Variants in LDLRAD3 observed in about 807,000 individuals in gnomAD.
The protein encoded by LDLRAD3 is low density lipoprotein receptor class A domain containing 3.
Under a neutral mutation model 29.4 loss-of-function variants are expected in LDLRAD3, and 20 were observed. That is an observed-to-expected ratio of 0.68 (90% CI 0.48 to 0.99). LDLRAD3 has a LOEUF of 0.99. Among genes scored for constraint, LDLRAD3 ranks in the 50% least tolerant of loss-of-function variants. The pLI, the probability that LDLRAD3 is intolerant of heterozygous loss-of-function variation, is 0.00. For synonymous variants in LDLRAD3, 157 were observed against 192.7 expected, an observed-to-expected ratio of 0.81 and a Z score of 1.53; for missense variants, 420 against 454.3, an observed-to-expected ratio of 0.92 and a Z score of 0.69.
chr11:36,139,900 G>T (rs1428553416), intron 4 of LDLRAD3, among the ~76,000 whole-genome samples: 3 of 152,240 alleles, frequency 2.0e-5, no homozygotes, highest in Non-Finnish European at 2.9e-5. Flanking sequence ...AAGTGAATGT[G>T]CTGTGGGTTT....
At chr11:36,228,901 C>T (rs557820046) in intron 5 of LDLRAD3, among the ~76,000 whole-genome samples, 8 of 152,322 alleles carry the variant, frequency 5.3e-5, no homozygotes, top group South Asian at 4.1e-4. Flanking sequence ...TGGTGGGCGA[C>T]CTCATTCTGG....
chr11:36,076,242 A>ATCCC (rs1852999566), intron 2 of LDLRAD3, among the ~76,000 whole-genome samples: 1 of 151,844 alleles, frequency 6.6e-6, no homozygotes, highest in East Asian at 1.9e-4. Flanking sequence ...CCATCCATCC[A>ATCCC]TCCATCCATC....
chr11:36,208,273 G>C (rs1382891638), intron 4 of LDLRAD3, among the ~76,000 whole-genome samples: 1 of 152,230 alleles, frequency 6.6e-6, no homozygotes, highest in Non-Finnish European at 1.5e-5. Flanking sequence ...TTGTGCTGGT[G>C]TGACAAAATA....
At chr11:36,228,729 C>A (rs1447146535) in intron 5 of LDLRAD3, among the ~76,000 whole-genome samples, 1 of 152,220 alleles carries the variant, frequency 6.6e-6, no homozygotes, top group Non-Finnish European at 1.5e-5. Context: ...TGTCCTCTCA[C>A]CCCAGTTCAT....
intron 1 of LDLRAD3, among the ~76,000 whole-genome samples, chr11:36,000,436 G>A (rs1015759952): frequency 6.6e-6 from 1 of 151,954 alleles, no homozygotes; most frequent in Non-Finnish European, 1.5e-5. Context: ...GGAACAAAGA[G>A]AAAGGAAGAT....
At chr11:35,989,420 G>T (rs1465281355) in intron 1 of LDLRAD3, among the ~76,000 whole-genome samples, 2 of 152,170 alleles carry the variant, frequency 1.3e-5, no homozygotes, top group Non-Finnish European at 2.9e-5. Flanking sequence ...AATGACATTG[G>T]TAGTTTGATA....
chr11:36,101,108 C>CAGAGGGCATCCCCTT (rs1211006658), intron 4 of LDLRAD3, among the ~76,000 whole-genome samples: 1 of 152,194 alleles, frequency 6.6e-6, no homozygotes, highest in Non-Finnish European at 1.5e-5. Context: ...CTTCCTTAGC[C>CAGAGGGCATCCCCTT]AGAGGGCATC....
chr11:36,037,970 C>T (rs2133211677), intron 2 of LDLRAD3, among the ~76,000 whole-genome samples: 1 of 152,276 alleles, frequency 6.6e-6, no homozygotes, highest in Non-Finnish European at 1.5e-5. Context: ...GATCACAGCT[C>T]ACTGCAGCCT....
At chr11:36,160,413 C>A (rs945494431) in intron 4 of LDLRAD3, among the ~76,000 whole-genome samples, 1 of 152,146 alleles carries the variant, frequency 6.6e-6, no homozygotes, top group African/African-American at 2.4e-5. Context: ...CCAAATCCTC[C>A]TTGAAATATT....
chr11:36,145,204 TG>T (rs1162996576), intron 4 of LDLRAD3, among the ~76,000 whole-genome samples: 6 of 40,168 alleles, frequency 1.5e-4, no homozygotes, highest in Non-Finnish European at 2.6e-4. Flanking sequence ...GGGAGGGAGG[TG>T]GGGGGGTCAG....
At chr11:35,952,786 A>G (rs1222478837) in intron 1 of LDLRAD3, among the ~76,000 whole-genome samples, 3 of 152,226 alleles carry the variant, frequency 2.0e-5, no homozygotes, top group Non-Finnish European at 4.4e-5. Flanking sequence ...CTCGTATCAA[A>G]AGAGAAATTA....
At chr11:36,026,463 A>G (rs1468650149) in intron 1 of LDLRAD3, among the ~76,000 whole-genome samples, 1 of 152,150 alleles carries the variant, frequency 6.6e-6, no homozygotes, top group Non-Finnish European at 1.5e-5. Context: ...AGGCATTTAA[A>G]CCAGAGTGAT....
At chr11:35,961,405 A>C (rs1851276246) in intron 1 of LDLRAD3, among the ~76,000 whole-genome samples, 1 of 152,200 alleles carries the variant, frequency 6.6e-6, no homozygotes, top group Non-Finnish European at 1.5e-5. Flanking sequence ...TACTTAGGCC[A>C]GTTACAGAGC....
chr11:35,947,732 G>A (rs1275202269), intron 1 of LDLRAD3, among the ~76,000 whole-genome samples: 1 of 152,196 alleles, frequency 6.6e-6, no homozygotes, highest in African/African-American at 2.4e-5. Context: ...AAAGGCTGAA[G>A]CCTAGATTCT....
At chr11:36,000,117 AAAGG>A (rs1362327038) in intron 1 of LDLRAD3, among the ~76,000 whole-genome samples, 1 of 152,136 alleles carries the variant, frequency 6.6e-6, no homozygotes, top group Non-Finnish European at 1.5e-5. Context: ...AGAGTAGGTA[AAAGG>A]AAGGATCTAT....
chr11:36,189,450 C>T (rs1386510808), intron 4 of LDLRAD3, among the ~76,000 whole-genome samples: 1 of 151,944 alleles, frequency 6.6e-6, no homozygotes, highest in Non-Finnish European at 1.5e-5. Context: ...TGCCACTGCA[C>T]TCCAGCTTGG....
chr11:36,182,255 G>A (rs757589656), intron 4 of LDLRAD3, among the ~76,000 whole-genome samples: 19 of 152,200 alleles, frequency 1.2e-4, no homozygotes, highest in Non-Finnish European at 2.6e-4. Flanking sequence ...TGTCCAGGGT[G>A]TGAGGTTGTT....
intron 2 of LDLRAD3, among the ~76,000 whole-genome samples, chr11:36,049,579 A>G (rs1036336030): frequency 2.0e-5 from 3 of 152,162 alleles, no homozygotes; most frequent in African/African-American, 7.2e-5. Flanking sequence ...TGACATGGTT[A>G]ATGTCATGTC....
At chr11:36,046,274 G>T (rs187751064) in intron 2 of LDLRAD3, among the ~76,000 whole-genome samples, 4 of 152,150 alleles carry the variant, frequency 2.6e-5, no homozygotes, top group Admixed American at 1.3e-4. Context: ...CATGCAAGAC[G>T]TGGCTTTGCT....
Sources: allele counts gnomAD v4.1 joint callset (sites outside exome capture counted in the v4.1 genomes callset), GRCh38; gene constraint gnomAD v4.1.1; transcripts MANE v1.5; gene names NCBI Gene and HGNC (gene_info 2026-07-23, HGNC 2026-07-21).